EIF3G: variants seen among roughly 807,000 people sequenced by gnomAD.
EIF3G encodes eukaryotic translation initiation factor 3 RNA-binding subunit.
Under a neutral mutation model 41.7 loss-of-function variants are expected in EIF3G, and 10 were observed. The observed-to-expected ratio is 0.24, with a 90% confidence interval of 0.15 to 0.41. The LOEUF is 0.41. Among genes scored for constraint, EIF3G ranks in the 10% least tolerant of loss-of-function variants. EIF3G has a pLI of 1.00. For synonymous variants in EIF3G, 204 were observed against 172.5 expected, an observed-to-expected ratio of 1.18 and a Z score of -1.43; for missense variants, 297 against 444.0, an observed-to-expected ratio of 0.67 and a Z score of 2.98.
At chr19:10,118,634 C>T (rs766411557) in intron 5 of EIF3G, 34 bp downstream of exon 5, 2 of 1,612,462 alleles carry the variant, frequency 1.2e-6, no homozygotes, top group Admixed American at 1.7e-5. Flanking sequence ...TTTTCCAATT[C>T]CTCTAGGTTA....
At chr19:10,119,595 G>A (rs755586296) in intron 2 of EIF3G, 59 bp downstream of exon 2, 41 of 1,540,932 alleles carry the variant, frequency 2.7e-5, no homozygotes, top group Non-Finnish European at 3.5e-5. Flanking sequence ...ATGGAAGCAG[G>A]CGGCAGTCAC....
In EIF3G at chr19:10,116,324, C is replaced by T. The variant is rs2089249220; in HGVS notation, c.596-250G>A. On this transcript the variant is annotated intron_variant, in intron 7 of 10. Coordinates refer to ENST00000253108, the MANE Select transcript of EIF3G (RefSeq NM_003755.5). The surrounding 1 kb of genome is among the most constrained non-coding windows in gnomAD (Gnocchi z 4.1). ...CCCCACCCCAGAGAGGGCGGGAGGA[C>T]AACAGGGGCAGCAGCCTCACATGCA... 1.7e-6 allele frequency: 1 copy of T among 574,922 alleles called. No individual in the cohort carries two copies. The highest frequency in any genetic ancestry group is 3.2e-5 in the Admixed American group (1 of 31,726). The allele number at this position is 574,922 out of a possible 1,614,324, so 35.6% of individuals were successfully genotyped here. A position where few individuals can be genotyped will look rare whatever the true frequency, so the allele number is the denominator to read the frequency against.
chr19:10,115,881 C>T, intron 8 of EIF3G, 61 bp from the exon 9 acceptor site: 1 of 1,589,512 alleles, frequency 6.3e-7, no homozygotes, highest in Non-Finnish European at 8.6e-7. Flanking sequence ...TCGTGTGCTG[C>T]CCAGCCCTCG....
rs1028007124 is a variant in EIF3G, at chr19:10,116,826, G to A, written c.569C>T (p.Thr190Ile). Residue 190 changes from threonine to isoleucine, a missense_variant, in exon 7 of 11, where the codon ACT becomes ATT. Physicochemically the swap from Thr to Ile is moderately conservative, Grantham distance 89 (BLOSUM62 -1). Transcript: ENST00000253108. The surrounding 1 kb of genome is among the most constrained non-coding windows in gnomAD (Gnocchi z 4.1). ...TCCCGGCAGCTTCTCCTTCTCGCCAGTAGACAGGCCCAGCTGCTCGGCCAG... is the reference window on the plus strand; with the variant it reads ...TCCCGGCAGCTTCTCCTTCTCGCCAATAGACAGGCCCAGCTGCTCGGCCAG... The part of the protein sequence containing the change: ...KELAEQLGLS[T>I]GEKEKLPGEL... 3 of 1,601,874 alleles carry A rather than the reference G, an allele frequency of 1.9e-6. No homozygotes were observed. The highest frequency in any genetic ancestry group is 1.1e-5 in the South Asian group (1 of 90,200).
At position 10,119,075 on chromosome 19, in the gene EIF3G, AGTCCTCACTCACCTCCCG is replaced by A. The variant is rs1398627480; in HGVS notation, c.146_151+12del. On this transcript the variant is annotated splice_donor_variant and splice_donor_5th_base_variant and coding_sequence_variant and intron_variant, in exon 3 of 11. Transcript: ENST00000253108. LOFTEE classifies it high-confidence loss of function. Reference sequence around the variant, plus strand: ...TGGCAGTCCTCACTCACCTCCCGGCAGTCCTCACTCACCTCCCGGCAGTAGCTCTGGCTCTGGGCTGGT... The same window carrying A: ...TGGCAGTCCTCACTCACCTCCCGGCAGCAGTAGCTCTGGCTCTGGGCTGGT... 3 of 1,588,100 alleles carry A rather than the reference AGTCCTCACTCACCTCCCG, an allele frequency of 1.9e-6. No homozygotes were observed. The highest frequency in any genetic ancestry group is 4.6e-5 in the East Asian group (2 of 43,944).
chr19:10,119,722 G>T (rs373364177), intron 1 of EIF3G, 22 bp from the exon 2 acceptor site: 1 of 1,611,604 alleles, frequency 6.2e-7, no homozygotes, highest in South Asian at 1.1e-5. Context: ...AATGTGTGGG[G>T]AACGAAGATT....
chr19:10,117,680 C>T (rs186007277), intron 5 of EIF3G: 1 of 154,272 alleles, frequency 6.5e-6, no homozygotes, highest in Non-Finnish European at 1.4e-5. Context: ...TCTAAGTATA[C>T]TTATTGCTAA....
At position 10,118,654 on chromosome 19, in the gene EIF3G, A is replaced by C. The variant is rs1401143436; in HGVS notation, c.300+14T>G. Reference sequence around the variant, plus strand: ...CAATTCCTCTAGGTTAGCCCTGGGGAAGAAGAGCCTCACCTTCCTCCTTGC... The same window carrying C: ...CAATTCCTCTAGGTTAGCCCTGGGGCAGAAGAGCCTCACCTTCCTCCTTGC... On this transcript the variant is annotated intron_variant, in intron 5 of 10. Transcript: ENST00000253108. 5 of 1,613,658 alleles carry C rather than the reference A, an allele frequency of 3.1e-6. No homozygotes were observed. The highest frequency in any genetic ancestry group is 3.3e-5 in the Admixed American group (2 of 59,948).
In EIF3G at chr19:10,116,088, G is replaced by C. The variant is rs2089243590; in HGVS notation, c.596-14C>G. 1.2e-6 allele frequency: 2 copies of C among 1,612,490 alleles called. No individual in the cohort carries two copies. The highest frequency in any genetic ancestry group is 2.7e-5 in the African/African-American group (2 of 75,036). On this transcript the variant is annotated splice_polypyrimidine_tract_variant and intron_variant, in intron 7 of 10. Transcript: ENST00000253108. The surrounding 1 kb of genome is among the most constrained non-coding windows in gnomAD (Gnocchi z 4.1). ...CCGGCTCTAGCTCTGGGGACCAAAA[G>C]ACAGTCAAGTTCAACCTCACTGTGG...
At position 10,118,725 on chromosome 19, in the gene EIF3G, A is replaced by G; in HGVS notation, c.243T>C (p.Ile81=). 1 of 1,613,948 alleles carries G rather than the reference A, an allele frequency of 6.2e-7. No homozygotes were observed. Among genetic ancestry groups the G allele is most frequent in the Non-Finnish European group, 8.5e-7 (1 of 1,179,946 alleles). The change falls in exon 5 of 11, where the codon ATT becomes ATC. Residue 81 remains isoleucine, a splice_region_variant and synonymous_variant. Transcript: ENST00000253108. The part of the protein sequence containing the change: ...KIDEDGKKFK[I]VRTFRIETRK... ...GGGTCTCAATCCTGAAGGTGCGGAC[A>G]ATCTGAGGATGGGAGGGGAGAAGGG...
intron 5 of EIF3G, 56 bp from the exon 6 acceptor site, chr19:10,117,244 AG>A: frequency 7.2e-7 from 1 of 1,389,860 alleles, no homozygotes; most frequent in Non-Finnish European, 1.0e-6. Flanking sequence ...TGGGTTCCAC[AG>A]TGGGGTGCCC....
At position 10,116,791 on chromosome 19, in the gene EIF3G, C is replaced by T. The variant is rs776558448; in HGVS notation, c.595+9G>A. 1.1e-5 allele frequency: 18 copies of T among 1,568,810 alleles called. No individual in the cohort carries two copies. In the Admixed American group the frequency reaches 2.0e-4, roughly 17 times the overall value. On this transcript the variant is annotated intron_variant, in intron 7 of 10. Coordinates refer to ENST00000253108, the MANE Select transcript of EIF3G (RefSeq NM_003755.5). The surrounding 1 kb of genome is among the most constrained non-coding windows in gnomAD (Gnocchi z 4.1). ...GTGCACTGACAGCAGGACCCTCCCA[C>T]CCCCACACCTCCCGGCAGCTTCTCC...
At position 10,115,818 on chromosome 19, in the gene EIF3G, C is replaced by T. The variant is rs1238246473; in HGVS notation, c.706G>A (p.Asp236Asn). The T allele has an allele frequency of 2.5e-6, 4 of 1,612,280 alleles. No homozygotes were observed. Among genetic ancestry groups the T allele is most frequent in the South Asian group, 1.1e-5 (1 of 91,088 alleles). Residue 236 changes from aspartate to asparagine, a missense_variant and splice_region_variant, in exon 9 of 11, where the codon GAC becomes AAC. Physicochemically the swap from Asp to Asn is conservative, Grantham distance 23 (BLOSUM62 1). Coordinates refer to ENST00000253108, the MANE Select transcript of EIF3G (RefSeq NM_003755.5). ...GESMQPNRRA[D>N]DNATIRVTNL... ...GTGACACGGATGGTGGCGTTGTCGT[C>T]GGCTGTGTGGGAGAGGGGAGGTGGC... is the stretch of plus-strand genomic sequence containing the variant.
chr19:10,119,452 AGCT>A, intron 2 of EIF3G, 199 bp downstream of exon 2: 1 of 765,920 alleles, frequency 1.3e-6, no homozygotes, highest in Non-Finnish European at 2.3e-6. Context: ...GGAGGGGAAC[AGCT>A]GGGAGGCAGT....
rs563298978 is a variant in EIF3G, at chr19:10,116,557, A to C, written c.595+243T>G. On this transcript the variant is annotated intron_variant, in intron 7 of 10. Transcript: ENST00000253108. This position sits in a 1 kb window ranked among gnomAD's most constrained non-coding sequence, Gnocchi z 4.1. ...GGGTGGTCAGCACCCTGGGGCCGACAGACAGCAGCTCATCAGGACAGTCAC... is the reference window on the plus strand; with the variant it reads ...GGGTGGTCAGCACCCTGGGGCCGACCGACAGCAGCTCATCAGGACAGTCAC... The C allele has an allele frequency of 9.3e-4, 496 of 530,482 alleles. 1 individual carries two copies. The highest frequency in any genetic ancestry group is 8.3e-3 in the African/African-American group (438 of 53,016). 32.9% of individuals were successfully genotyped at this position (530,482 alleles called of 1,614,324 possible). A position where few individuals can be genotyped will look rare whatever the true frequency, so the allele number is the denominator to read the frequency against.
chr19:10,119,768 AC>A lies in EIF3G; in HGVS notation c.21-69del. 4 of 1,613,886 alleles carry A rather than the reference AC, an allele frequency of 2.5e-6. No homozygotes were observed. In the South Asian group the frequency reaches 3.3e-5, roughly 13 times the overall value. ...GGCCCGGCTCCCGCAGCCTCGGCGT[AC>A]CCAGGCCCCATAATACTTCCCAGAG... On this transcript the variant is annotated intron_variant, in intron 1 of 10. Coordinates refer to ENST00000253108, the MANE Select transcript of EIF3G (RefSeq NM_003755.5).
chr19:10,115,406 G>C, intron 10 of EIF3G, 73 bp downstream of exon 10: 3 of 1,485,256 alleles, frequency 2.0e-6, no homozygotes, highest in Non-Finnish European at 2.8e-6. Context: ...CAGGGCTATT[G>C]GTTGGCCCAA....
chr19:10,115,487 C>T lies in EIF3G; in HGVS notation c.939G>A (p.Glu313=), dbSNP rs2089227178. ...FGYDHLILNV[E]WAKPSTN ...CAGGGATGGAGTCTTACTTGGCCCA[C>T]TCGACGTTGAGGATGAGGTGGTCGT... is the stretch of plus-strand genomic sequence containing the variant. Residue 313 remains glutamate (E), a synonymous_variant, in exon 10 of 11, where the codon GAG becomes GAA. Transcript: ENST00000253108. The T allele has an allele frequency of 6.2e-7, 1 of 1,609,868 alleles. No individual in the cohort carries two copies. Among genetic ancestry groups the T allele is most frequent in the African/African-American group, 1.3e-5 (1 of 74,888 alleles).
At chr19:10,117,577 G>A in intron 5 of EIF3G, 1 of 203,780 alleles carries the variant, frequency 4.9e-6, no homozygotes, top group Non-Finnish European at 9.8e-6. Context: ...AAAGCTTCCT[G>A]CCTCCCTGGG....
Sources: allele counts gnomAD v4.1 joint callset, GRCh38; gene constraint gnomAD v4.1.1; non-coding constraint Gnocchi (gnomAD v3.1); transcripts MANE v1.5; gene names NCBI Gene and HGNC (gene_info 2026-07-23, HGNC 2026-07-21).